MYO1A: variants seen among roughly 807,000 people sequenced by gnomAD.
MYO1A encodes the protein myosin IA.
MYO1A carries 127 observed loss-of-function variants against 138.5 expected under a neutral mutation model. That is an observed-to-expected ratio of 0.92 (90% confidence interval 0.79 to 1.06). MYO1A has a LOEUF of 1.06. Ranked by LOEUF, MYO1A falls within the 50% of genes least tolerant of loss-of-function variation. The pLI is 0.00. For missense variants in MYO1A, 1,211 were observed against 1,288.8 expected (o/e 0.94, Z 0.92); for synonymous variants, 477 against 497.5 (o/e 0.96, Z 0.55).
intron 6 of MYO1A, 64 bp downstream of exon 6, chr12:57,046,997 T>G: frequency 6.2e-7 from 1 of 1,610,680 alleles, no homozygotes; most frequent in Non-Finnish European, 8.5e-7. Flanking sequence ...AAGGGGTCTG[T>G]GCCACATTCC....
rs575772158 is a variant in MYO1A, at chr12:57,050,003, G to A, written c.-137C>T. ...CCCAGGATGGAGAGGTGGCTTAATG[G>A]GAGCTGTCCATGGTGCAAGGAAGCT... is the stretch of plus-strand genomic sequence containing the variant. On this transcript the variant is annotated 5_prime_UTR_variant, in exon 1 of 28. Transcript: ENST00000300119. 6.6e-6 allele frequency: 1 copy of A among 152,444 alleles called. No individual in the cohort carries two copies. The highest frequency in any genetic ancestry group is 2.1e-4 in the South Asian group (1 of 4,834). The allele number at this position is 152,444 out of a possible 1,614,324, so 9.4% of individuals were successfully genotyped here. A position where few individuals can be genotyped will look rare whatever the true frequency, so the allele number is the denominator to read the frequency against.
At chr12:57,046,459 G>A (rs1395173901) in intron 8 of MYO1A, 93 bp downstream of exon 8, 6 of 941,232 alleles carry the variant, frequency 6.4e-6, no homozygotes, top group South Asian at 2.6e-5. Flanking sequence ...GGCTGTAGGG[G>A]CCCAGAGGGA....
At chr12:57,041,580 G>T (rs563850108) in intron 12 of MYO1A, 83 bp from the exon 13 acceptor site, 3 of 1,181,224 alleles carry the variant, frequency 2.5e-6, no homozygotes, top group African/African-American at 1.5e-5. Context: ...TGGGGTTGGA[G>T]TAGGGGGCAA....
intron 14 of MYO1A, 51 bp from the exon 15 acceptor site, chr12:57,039,325 C>T: frequency 7.1e-7 from 1 of 1,413,846 alleles, no homozygotes; most frequent in East Asian, 2.3e-5. Flanking sequence ...GACAAGCCTC[C>T]AGAGACCTCA....
rs189679072 is a variant in MYO1A at position 57,029,898 on chromosome 12, C to A, written c.2592-26G>T. The A allele has an allele frequency of 1.4e-4, 234 of 1,613,918 alleles. 1 individual carries two copies. Among genetic ancestry groups the A allele is most frequent in the Non-Finnish European group, 1.1e-5 (13 of 1,180,030 alleles). ...CTGAGAACACATGGGAGGTGTGCAG[C>A]GCGACAAGGCCCAGAGGCCTCTTCC... On this transcript the variant is annotated intron_variant, in intron 24 of 27. Transcript: ENST00000300119.
At chr12:57,039,989 G>A (rs554519566) in intron 14 of MYO1A, among the ~76,000 whole-genome samples, 6 of 152,194 alleles carry the variant, frequency 3.9e-5, no homozygotes, top group Non-Finnish European at 5.9e-5. Context: ...AAAGATAATC[G>A]TTCTCTACTT....
chr12:57,041,088 G>C (rs1270801930), intron 14 of MYO1A, 96 bp downstream of exon 14: 1 of 892,556 alleles, frequency 1.1e-6, no homozygotes, highest in Non-Finnish European at 1.8e-6. Context: ...TCACATCTGG[G>C]GACGATGTAG....
intron 14 of MYO1A, among the ~76,000 whole-genome samples, 175 bp downstream of exon 14, chr12:57,041,009 A>C (rs1237616216): frequency 6.6e-6 from 1 of 152,234 alleles, no homozygotes; most frequent in Non-Finnish European, 1.5e-5. Flanking sequence ...AATGGAGAGC[A>C]GAGGATTAGG....
Position 57,029,213 on chromosome 12 carries a change from T to C in MYO1A, c.2924A>G (p.His975Arg), listed in dbSNP as rs1194229888. Residue 975 changes from histidine to arginine, a missense_variant, in exon 27 of 28, where the codon CAT (histidine) becomes CGT (arginine). Coordinates refer to ENST00000300119, the MANE Select transcript of MYO1A (RefSeq NM_005379.4). ...CATTTTGGTCAGCAGTTCAATCACA[T>C]GCTCGCTGACCAGCAGGAAGTCCCC... ...SKGDFLLVSE[H>R]VIELLTKMYR... is the part of the protein sequence containing the mutation. 1.9e-6 allele frequency: 3 copies of C among 1,614,126 alleles called. No individual in the cohort carries two copies. Among genetic ancestry groups the C allele is most frequent in the Non-Finnish European group, 2.5e-6 (3 of 1,180,018 alleles).
Position 57,036,344 on chromosome 12 carries a change from G to A in MYO1A, c.2312C>T (p.Ala771Val), listed in dbSNP as rs148893278. ...GATGAAATCTGCCAAGGTGAGGGCA[G>A]CCTCTGACCGGAAATATTTGCGATA... Reference protein sequence around the residue: ...KNYRKYFRSEAALTLADFIYK... With the variant: ...KNYRKYFRSEVALTLADFIYK... The change falls in exon 22 of 28, where the codon GCT becomes GTT. Residue 771 changes from alanine to valine, a missense_variant. Ala to Val is a moderately conservative substitution (Grantham distance 64). Transcript: ENST00000300119. 37 of 1,613,898 alleles carry A rather than the reference G, an allele frequency of 2.3e-5. No homozygotes were observed. The African/African-American group carries it at 4.3e-4, about 19-fold the overall frequency.
Position 57,036,242 on chromosome 12 carries a change from C to T in MYO1A, c.2349+65G>A, listed in dbSNP as rs1237647066. On this transcript the variant is annotated intron_variant, in intron 22 of 27. Coordinates refer to ENST00000300119, the MANE Select transcript of MYO1A (RefSeq NM_005379.4). ...AAGCTTTGGGTTGCCTCTTCTCAAA[C>T]CCCTCTCCCAAACCTGTGCCTCCCT... is the stretch of plus-strand genomic sequence containing the variant. 4 of 1,519,252 alleles carry T rather than the reference C, an allele frequency of 2.6e-6. No individual in the cohort carries two copies. In the African/African-American group the frequency reaches 5.5e-5, roughly 21 times the overall value. 94.1% of individuals were successfully genotyped at this position (1,519,252 alleles called of 1,614,324 possible). A position where few individuals can be genotyped will look rare whatever the true frequency, so the allele number is the denominator to read the frequency against.
rs775080978 is a variant in MYO1A at position 57,031,087 on chromosome 12, G to C, written c.2437C>G (p.Leu813Val). ...TGCAGCTCCTGATTTGCTGTGCTGAGGCACTTGTAGGGGGCGGCTGGCCAT... is the reference window on the plus strand; with the variant it reads ...TGCAGCTCCTGATTTGCTGTGCTGACGCACTTGTAGGGGGCGGCTGGCCAT... ...KTWPAAPYKC[L>V]STANQELQQL... is the part of the protein sequence containing the mutation. The change falls in exon 23 of 28, where the codon CTC (leucine) becomes GTC (valine). Residue 813 changes from leucine (L) to valine (V), a missense_variant. Leu to Val is a conservative substitution (Grantham distance 32). Transcript: ENST00000300119. 1 of 1,614,148 alleles carries C rather than the reference G, an allele frequency of 6.2e-7. No individual in the cohort carries two copies. The highest frequency in any genetic ancestry group is 2.2e-5 in the East Asian group (1 of 44,888).
rs1592466672 is a variant in MYO1A, at chr12:57,028,652, G to A, written c.*103C>T. ...GGGTAGTTTAATCCCCAAGCCATGCGCCACGATCAGAGGGGTTAGAGATCC... is the reference window on the plus strand; with the variant it reads ...GGGTAGTTTAATCCCCAAGCCATGCACCACGATCAGAGGGGTTAGAGATCC... On this transcript the variant is annotated 3_prime_UTR_variant, in exon 28 of 28. Transcript: ENST00000300119. 8.0e-6 allele frequency: 12 copies of A among 1,496,508 alleles called. No homozygotes were observed. Among genetic ancestry groups the A allele is most frequent in the East Asian group, 4.5e-5 (2 of 44,078 alleles). 92.7% of individuals were successfully genotyped at this position (1,496,508 alleles called of 1,614,324 possible).
chr12:57,041,314 A>G, intron 13 of MYO1A, 26 bp from the exon 14 acceptor site: 3 of 1,603,570 alleles, frequency 1.9e-6, no homozygotes, highest in Non-Finnish European at 2.6e-6. Context: ...CAGGTTAGAG[A>G]GCTCACTCCA....
Position 57,038,960 on chromosome 12 carries a change from C to T in MYO1A, c.1382G>A (p.Gly461Glu). Residue 461 changes from glycine to glutamate, a missense_variant, in exon 16 of 28, where the codon GGG (glycine) becomes GAG (glutamate). By Grantham distance (98) the Gly-to-Glu change is moderately conservative. Coordinates refer to ENST00000300119, the MANE Select transcript of MYO1A (RefSeq NM_005379.4). The part of the protein sequence containing the change: ...AMLDEECLRP[G>E]VVSDSTFLAK... ...TAGGAAAGTGGAGTCACTGACCACC[C>T]CAGGCCGCAGGCACTCCTCATCCAA... 1 of 1,614,186 alleles carries T rather than the reference C, an allele frequency of 6.2e-7. No homozygotes were observed. Among genetic ancestry groups the T allele is most frequent in the Non-Finnish European group, 8.5e-7 (1 of 1,180,034 alleles).
Position 57,044,207 on chromosome 12 carries a change from C to A in MYO1A, c.643G>T (p.Ala215Ser). ...GTTGTATCCCGCTCAAGCTTCAGGGCCTCTGGGAGGGCCAGTGTTGGGGAA... is the reference window on the plus strand; with the variant it reads ...GTTGTATCCCGCTCAAGCTTCAGGGACTCTGGGAGGGCCAGTGTTGGGGAA... ...LAGADEQLLK[A>S]LKLERDTTGY... Residue 215 changes from alanine (A) to serine (S), a missense_variant and splice_region_variant, in exon 9 of 28, where the codon GCC becomes TCC. Transcript: ENST00000300119. 6.2e-7 allele frequency: 1 copy of A among 1,613,576 alleles called. No homozygotes were observed. Among genetic ancestry groups the A allele is most frequent in the Non-Finnish European group, 8.5e-7 (1 of 1,179,792 alleles).
intron 27 of MYO1A, 83 bp from the exon 28 acceptor site, chr12:57,028,964 C>T (rs2030120732): frequency 4.4e-6 from 7 of 1,592,698 alleles, no homozygotes; most frequent in Middle Eastern, 1.9e-4. Flanking sequence ...CCCCATCATG[C>T]GAGTCAGAGG....
rs2030664180 is a variant in MYO1A at position 57,038,189 on chromosome 12, C to A, written c.1761-120G>T. The A allele has an allele frequency of 4.8e-6, 6 of 1,245,278 alleles. No homozygotes were observed. In the South Asian group the frequency reaches 7.4e-5, roughly 15 times the overall value. The allele number at this position is 1,245,278 out of a possible 1,614,324, so 77.1% of individuals were successfully genotyped here. The stretch of plus-strand genomic sequence containing the variant: ...ACTGAAAAGTTTCAAAGAAAGTAGA[C>A]ACACTGGCCTCCCCAGTTTCACTCA... On this transcript the variant is annotated intron_variant, in intron 17 of 27. Coordinates refer to ENST00000300119, the MANE Select transcript of MYO1A (RefSeq NM_005379.4).
chr12:57,031,040 C>T lies in MYO1A; in HGVS notation c.2484G>A (p.Lys828=), dbSNP rs374771066. 4.0e-5 allele frequency: 65 copies of T among 1,613,708 alleles called. No homozygotes were observed. The East Asian group carries it at 4.5e-4, about 11-fold the overall frequency. ...QELQQLFYQW[K]CKRFRDQLSP... is the part of the protein sequence containing the mutation. ...GGAGGGGTGCCTGGGCTCCACTTGC[C>T]TTCCACTGGTAGAAGAGCTGCTGCA... Residue 828 remains lysine, a splice_region_variant and synonymous_variant, in exon 23 of 28, where the codon AAG becomes AAA. Transcript: ENST00000300119.
Sources: allele counts gnomAD v4.1 joint callset (sites outside exome capture counted in the v4.1 genomes callset), GRCh38; gene constraint gnomAD v4.1.1; transcripts MANE v1.5; gene names NCBI Gene and HGNC (gene_info 2026-07-23, HGNC 2026-07-21).